Variants in SGMS1 observed in about 807,000 individuals in gnomAD.
SGMS1 encodes the protein sphingomyelin synthase 1.
Under a neutral mutation model 46.2 loss-of-function variants are expected in SGMS1, and 13 were observed. The ratio of observed to expected loss-of-function variants is 0.28; its 90% confidence interval spans 0.18 to 0.45. The LOEUF (loss-of-function observed/expected upper bound fraction) is 0.45. Among genes scored for constraint, SGMS1 ranks in the 20% least tolerant of loss-of-function variants. The probability of loss-of-function intolerance (pLI) is 1.00; values close to 1 mark genes in which losing one functional copy is unlikely to be tolerated. For missense variants in SGMS1, 324 were observed against 519.9 expected, an observed-to-expected ratio of 0.62 and a Z score of 3.66; for synonymous variants, 203 against 187.8, an observed-to-expected ratio of 1.08 and a Z score of -0.66.
intron 6 of SGMS1, among the ~76,000 whole-genome samples, chr10:50,390,505 C>T (rs1282952222): frequency 6.6e-6 from 1 of 152,136 alleles, no homozygotes; most frequent in Non-Finnish European, 1.5e-5. Context: ...GTAGCACACA[C>T]CTGTAGTCTG....
intron 8 of SGMS1, among the ~76,000 whole-genome samples, chr10:50,312,258 A>T (rs1847267090): frequency 6.6e-6 from 1 of 151,602 alleles, no homozygotes; most frequent in Non-Finnish European, 1.5e-5. Context: ...AACATGTTTT[A>T]TTATAATTTC....
intron 6 of SGMS1, among the ~76,000 whole-genome samples, chr10:50,426,011 T>C (rs746734882): frequency 1.5e-4 from 23 of 152,214 alleles, no homozygotes; most frequent in Non-Finnish European, 2.9e-4. Flanking sequence ...AATCTAAACA[T>C]ACATCACCAG....
At chr10:50,468,116 T>C (rs1297814984) in intron 3 of SGMS1, among the ~76,000 whole-genome samples, 2 of 152,186 alleles carry the variant, frequency 1.3e-5, no homozygotes, top group African/African-American at 4.8e-5. Flanking sequence ...TAGATGAAAT[T>C]ACTAATGCAT....
chr10:50,392,190 TAAA>T (rs35016002), intron 6 of SGMS1, among the ~76,000 whole-genome samples: 2 of 147,400 alleles, frequency 1.4e-5, no homozygotes, highest in African/African-American at 2.5e-5. Context: ...AAGTAAAAGT[TAAA>T]AAAAAAAAAA....
chr10:50,553,177 T>G (rs1168254853), intron 2 of SGMS1, among the ~76,000 whole-genome samples: 2 of 152,222 alleles, frequency 1.3e-5, no homozygotes, highest in Non-Finnish European at 2.9e-5. Context: ...AAGCTCACAA[T>G]TAGCCTTAGT....
chr10:50,552,544 GAC>G (rs1838157183), intron 2 of SGMS1, among the ~76,000 whole-genome samples: 1 of 152,164 alleles, frequency 6.6e-6, no homozygotes. Flanking sequence ...AAGTCTGTTT[GAC>G]AACAGAATTC....
chr10:50,555,000 C>T (rs1838178589), intron 2 of SGMS1, among the ~76,000 whole-genome samples: 1 of 152,168 alleles, frequency 6.6e-6, no homozygotes, highest in South Asian at 2.1e-4. Context: ...GACAGGGTTC[C>T]CAGAGGTCCT....
Position 50,623,746 on chromosome 10 carries a change from G to A in SGMS1, c.-723C>T. The A allele has an allele frequency of 2.0e-6, 2 of 985,408 alleles. No individual in the cohort carries two copies. The highest frequency in any genetic ancestry group is 2.4e-6 in the Non-Finnish European group (2 of 829,936). The allele number at this position is 985,408 out of a possible 1,614,324, so 61.0% of individuals were successfully genotyped here. On this transcript the variant is annotated 5_prime_UTR_variant, in exon 1 of 11. Transcript: ENST00000361781. ...CGGCAGCCGCCGGAATTCCGCTCGC[G>A]GAGCCCCCGCCGCGGAATGAAATCC...
Position 50,320,017 on chromosome 10 carries a change from A to G in SGMS1, c.741+7188T>C, listed in dbSNP as rs1382377372. Among the ~76,000 whole-genome samples the G allele has an allele frequency of 5.9e-5, 9 of 152,174 alleles. No homozygotes were observed. In the East Asian group the frequency reaches 1.5e-3, roughly 26 times the overall value. Reference sequence around the variant, plus strand: ...TTCTAAAATTTCTCTTATTAGTTTTATGATTAGTAACTATATATTAGTTAT... The same window carrying G: ...TTCTAAAATTTCTCTTATTAGTTTTGTGATTAGTAACTATATATTAGTTAT... On this transcript the variant is annotated intron_variant, in intron 8 of 10. Transcript: ENST00000361781.
chr10:50,330,277 A>C (rs1847599103), intron 7 of SGMS1, among the ~76,000 whole-genome samples: 3 of 150,420 alleles, frequency 2.0e-5, no homozygotes, highest in Admixed American at 1.3e-4. Flanking sequence ...AACATAGCGC[A>C]ACCCTGTCTC....
intron 8 of SGMS1, among the ~76,000 whole-genome samples, chr10:50,318,444 TACA>T (rs889339850): frequency 2.0e-5 from 3 of 152,230 alleles, no homozygotes; most frequent in Non-Finnish European, 4.4e-5. Context: ...TAAAGTGTTA[TACA>T]AATTTCAGGC....
chr10:50,354,171 C>T (rs74535498), intron 6 of SGMS1, among the ~76,000 whole-genome samples: 1 of 150,116 alleles, frequency 6.7e-6, no homozygotes, highest in Non-Finnish European at 1.5e-5. Flanking sequence ...GGAGGCATCA[C>T]ACTACCTGAC....
rs1554793449 is a variant in SGMS1 at position 50,574,963 on chromosome 10, G to GTATATATATATATATGTGTATATATA, written c.-589+15189_-589+15190insTATATATACACATATATATATATATA. ...AAACATTTTAAAAGGAAAATGTGGTGTATATATATATATATATATATAAAA... is the reference window on the plus strand; with the variant it reads ...AAACATTTTAAAAGGAAAATGTGGTGTATATATATATATATGTGTATATATATATATATATATATATATATATAAAA... On this transcript the variant is annotated intron_variant, in intron 2 of 10. Coordinates refer to ENST00000361781, the MANE Select transcript of SGMS1 (RefSeq NM_147156.4). 1.4e-4 allele frequency among the ~76,000 whole-genome samples: 14 copies of GTATATATATATATATGTGTATATATA among 99,866 alleles called. No individual in the cohort carries two copies. In the East Asian group the frequency reaches 1.5e-3, roughly 10 times the overall value. The allele number at this position is 99,866 out of a possible 152,430, so 65.5% of individuals were successfully genotyped here.
chr10:50,470,886 C>T (rs747560240), intron 3 of SGMS1, among the ~76,000 whole-genome samples: 5 of 152,100 alleles, frequency 3.3e-5, no homozygotes, highest in Non-Finnish European at 5.9e-5. Flanking sequence ...ACCGGTTTCC[C>T]TTTTCCTGTA....
intron 2 of SGMS1, among the ~76,000 whole-genome samples, chr10:50,539,933 T>A (rs907145431): frequency 6.6e-6 from 1 of 152,160 alleles, no homozygotes; most frequent in Non-Finnish European, 1.5e-5. Flanking sequence ...TATATAAAAT[T>A]TACATTTTAG....
intron 6 of SGMS1, among the ~76,000 whole-genome samples, chr10:50,431,179 T>C (rs1849400615): frequency 6.6e-6 from 1 of 152,196 alleles, no homozygotes; most frequent in Non-Finnish European, 1.5e-5. Context: ...TATTTCATAA[T>C]CCAAAGGCAA....
intron 7 of SGMS1, among the ~76,000 whole-genome samples, chr10:50,338,166 C>T (rs755280509): frequency 8.5e-5 from 13 of 152,148 alleles, no homozygotes; most frequent in Non-Finnish European, 1.9e-4. Context: ...ACTAAGTGAC[C>T]ATTTCCATTT....
intron 7 of SGMS1, among the ~76,000 whole-genome samples, chr10:50,334,030 A>G (rs1417744363): frequency 6.6e-6 from 1 of 152,232 alleles, no homozygotes; most frequent in East Asian, 1.9e-4. Flanking sequence ...TCAATGACAG[A>G]GTCACAACAA....
At chr10:50,427,235 A>C (rs1036992584) in intron 6 of SGMS1, among the ~76,000 whole-genome samples, 1 of 152,148 alleles carries the variant, frequency 6.6e-6, no homozygotes, top group Non-Finnish European at 1.5e-5. Flanking sequence ...CGTCTCTACT[A>C]AAAATACAAA....
Sources: allele counts gnomAD v4.1 joint callset (sites outside exome capture counted in the v4.1 genomes callset), GRCh38; gene constraint gnomAD v4.1.1; transcripts MANE v1.5; gene names NCBI Gene and HGNC (gene_info 2026-07-23, HGNC 2026-07-21).